The following TMTC2 variants were observed in gnomAD, a reference collection of about 807,000 sequenced individuals.
TMTC2 encodes protein O-mannosyl-transferase TMTC2.
TMTC2 carries 43 observed loss-of-function variants against 82.4 expected under a neutral mutation model. That is an observed-to-expected ratio of 0.52 (90% CI 0.41 to 0.67). TMTC2 has a LOEUF of 0.67. Ranked by LOEUF, TMTC2 falls within the 30% of genes least tolerant of loss-of-function variation. TMTC2 has a pLI of 0.00. For synonymous variants in TMTC2, 408 were observed against 381.9 expected, an observed-to-expected ratio of 1.07 and a Z score of -0.80; for missense variants, 919 against 1,012.4, an observed-to-expected ratio of 0.91 and a Z score of 1.25.
At chr12:83,107,064 T>A (rs1884429969) in intron 11 of TMTC2, among the ~76,000 whole-genome samples, 1 of 152,214 alleles carries the variant, frequency 6.6e-6, no homozygotes, top group African/African-American at 2.4e-5. Flanking sequence ...GATATAGGCA[T>A]CTTGCCAGAA....
chr12:82,965,735 A>T lies in TMTC2; in HGVS notation c.1860A>T (p.Gly620=). ...TAGGAAAGCTGTATCATGAGCAGGGACACTATGAGGTCTGGCCAATGCCTC... is the reference window on the plus strand; with the variant it reads ...TAGGAAAGCTGTATCATGAGCAGGGTCACTATGAGGTCTGGCCAATGCCTC... ...YNLGKLYHEQ[G]HYEEALSVYK... The change falls in exon 6 of 12, where the codon GGA becomes GGT. Residue 620 remains glycine, a synonymous_variant. Transcript: ENST00000321196. 6.2e-7 allele frequency: 1 copy of T among 1,613,728 alleles called. No homozygotes were observed. Among genetic ancestry groups the T allele is most frequent in the Non-Finnish European group, 8.5e-7 (1 of 1,179,822 alleles).
intron 3 of TMTC2, among the ~76,000 whole-genome samples, chr12:82,920,901 C>A (rs1875352953): frequency 6.6e-6 from 1 of 152,046 alleles, no homozygotes; most frequent in South Asian, 2.1e-4. Flanking sequence ...TGAGCAACAA[C>A]CATTTGTTTA....
chr12:83,083,042 C>A (rs994554720), intron 11 of TMTC2, among the ~76,000 whole-genome samples: 1 of 152,188 alleles, frequency 6.6e-6, no homozygotes, highest in Non-Finnish European at 1.5e-5. Context: ...AGATTTCATT[C>A]ATCCACTCTG....
At chr12:82,794,765 G>T (rs1487347879) in intron 1 of TMTC2, among the ~76,000 whole-genome samples, 1 of 152,076 alleles carries the variant, frequency 6.6e-6, no homozygotes, top group Non-Finnish European at 1.5e-5. Context: ...TTGACTTTGG[G>T]AATGTTATCT....
intron 1 of TMTC2, among the ~76,000 whole-genome samples, chr12:82,755,160 T>C (rs1410072020): frequency 6.6e-6 from 1 of 152,236 alleles, no homozygotes; most frequent in African/African-American, 2.4e-5. Flanking sequence ...AAATTCTGAT[T>C]ACTGGAAGCC....
At chr12:82,696,372 T>C (rs955840737) in intron 1 of TMTC2, among the ~76,000 whole-genome samples, 1 of 152,218 alleles carries the variant, frequency 6.6e-6, no homozygotes, top group African/African-American at 2.4e-5. Flanking sequence ...TACAGATTTA[T>C]ATTAAAGAAA....
At chr12:82,983,488 G>T (rs1365662012) in intron 7 of TMTC2, among the ~76,000 whole-genome samples, 1 of 151,250 alleles carries the variant, frequency 6.6e-6, no homozygotes, top group Non-Finnish European at 1.5e-5. Context: ...TTTCTGACTT[G>T]GAAAAAAAAG....
chr12:82,870,680 G>A (rs766582624), intron 2 of TMTC2, among the ~76,000 whole-genome samples: 120 of 152,164 alleles, frequency 7.9e-4, no homozygotes, highest in Non-Finnish European at 1.5e-3. Context: ...AAAGGCCACC[G>A]CTAGAGTCTT....
chr12:83,000,211 T>A (rs1879854341), intron 8 of TMTC2, among the ~76,000 whole-genome samples: 1 of 152,132 alleles, frequency 6.6e-6, no homozygotes, highest in Non-Finnish European at 1.5e-5. Flanking sequence ...CTTGGCTCAC[T>A]GCAACCTCCA....
intron 1 of TMTC2, among the ~76,000 whole-genome samples, chr12:82,808,194 C>T (rs1165925435): frequency 6.6e-6 from 1 of 151,798 alleles, no homozygotes; most frequent in Non-Finnish European, 1.5e-5. Context: ...ACAATTACCT[C>T]ACAGTAAAAA....
intron 1 of TMTC2, among the ~76,000 whole-genome samples, chr12:82,749,415 A>AT (rs1371990392): frequency 6.6e-6 from 1 of 152,090 alleles, no homozygotes; most frequent in East Asian, 1.9e-4. Flanking sequence ...GAAGCAAACA[A>AT]TTTTTTTACT....
intron 3 of TMTC2, among the ~76,000 whole-genome samples, chr12:82,917,896 C>T (rs1328442792): frequency 1.3e-5 from 2 of 148,260 alleles, no homozygotes; most frequent in Non-Finnish European, 3.0e-5. Context: ...CCACTGCTCC[C>T]GGCCAGCTTT....
intron 1 of TMTC2, among the ~76,000 whole-genome samples, chr12:82,697,099 A>G (rs1872841419): frequency 6.6e-6 from 1 of 151,754 alleles, no homozygotes; most frequent in Non-Finnish European, 1.5e-5. Context: ...TAATCCCAGT[A>G]CTTTGGGAGG....
At chr12:82,909,103 C>T (rs1874484415) in intron 3 of TMTC2, among the ~76,000 whole-genome samples, 2 of 151,080 alleles carry the variant, frequency 1.3e-5, no homozygotes, top group Admixed American at 1.3e-4. Flanking sequence ...ATAGGCCAAA[C>T]AGTCACCCAT....
chr12:83,059,819 A>G (rs1882676809), intron 10 of TMTC2, among the ~76,000 whole-genome samples: 2 of 151,734 alleles, frequency 1.3e-5, no homozygotes, highest in Non-Finnish European at 2.9e-5. Context: ...GTCCATAAAG[A>G]TGAATATTAA....
intron 2 of TMTC2, among the ~76,000 whole-genome samples, chr12:82,885,911 A>G (rs1873075270): frequency 6.6e-6 from 1 of 152,204 alleles, no homozygotes. Context: ...CATCTAAGGA[A>G]TGGGAATTAT....
intron 1 of TMTC2, among the ~76,000 whole-genome samples, chr12:82,723,129 A>C (rs774406728): frequency 4.6e-5 from 7 of 152,244 alleles, no homozygotes; most frequent in Non-Finnish European, 8.8e-5. Context: ...GTTGATCATC[A>C]TTTGACTTAA....
chr12:82,778,106 C>G (rs1264917864), intron 1 of TMTC2, among the ~76,000 whole-genome samples: 2 of 151,882 alleles, frequency 1.3e-5, no homozygotes, highest in African/African-American at 2.4e-5. Flanking sequence ...CAGTATTACT[C>G]TAGTCTTTTA....
At chr12:82,846,285 G>T (rs2137098758) in intron 1 of TMTC2, among the ~76,000 whole-genome samples, 1 of 152,214 alleles carries the variant, frequency 6.6e-6, no homozygotes, top group East Asian at 1.9e-4. Flanking sequence ...TTGAACCCAG[G>T]AGGCGGAGGT....
Sources: gnomAD v4.1 joint callset for allele counts (sites outside exome capture counted in the v4.1 genomes callset) on GRCh38, gnomAD v4.1.1 for gene constraint, MANE v1.5 for transcripts, NCBI Gene and HGNC (gene_info 2026-07-23, HGNC 2026-07-21) for gene names.